The following EEPD1 variants were observed in gnomAD, a reference collection of about 807,000 sequenced individuals.
EEPD1 encodes the protein endonuclease/exonuclease/phosphatase family domain-containing protein 1.
Under a neutral mutation model 46.3 loss-of-function variants are expected in EEPD1, and 17 were observed. The observed-to-expected ratio is 0.37, with a 90% CI of 0.25 to 0.55. The LOEUF is 0.55. Ranked by LOEUF, EEPD1 falls within the 20% of genes least tolerant of loss-of-function variation. The pLI is 0.83. For missense variants in EEPD1, 673 were observed against 745.6 expected, an observed-to-expected ratio of 0.90 and a Z score of 1.13; for synonymous variants, 313 against 315.6, an observed-to-expected ratio of 0.99 and a Z score of 0.09.
At chr7:36,230,604 G>C (rs1186203657) in intron 2 of EEPD1, 2 of 152,264 alleles carry the variant, frequency 1.3e-5, no homozygotes, top group Non-Finnish European at 2.9e-5. Flanking sequence ...TGCTGTGTAG[G>C]CCTGAAGGTG....
At chr7:36,277,872 C>T (rs531479003) in intron 3 of EEPD1, among the ~76,000 whole-genome samples, 14 of 152,080 alleles carry the variant, frequency 9.2e-5, no homozygotes, top group Non-Finnish European at 1.8e-4. Flanking sequence ...AAGGACAGGG[C>T]TTCAAGCATA....
At chr7:36,174,139 G>C (rs1029945108) in intron 2 of EEPD1, among the ~76,000 whole-genome samples, 10 of 152,204 alleles carry the variant, frequency 6.6e-5, no homozygotes, top group Non-Finnish European at 1.2e-4. Flanking sequence ...CTGGGGGCTT[G>C]GGATTGCTGC....
At chr7:36,277,374 G>A (rs560286228) in intron 3 of EEPD1, among the ~76,000 whole-genome samples, 3 of 152,228 alleles carry the variant, frequency 2.0e-5, no homozygotes, top group Non-Finnish European at 2.9e-5. Context: ...TAATAAAGAC[G>A]GTGCGTGCAA....
intron 2 of EEPD1, among the ~76,000 whole-genome samples, chr7:36,182,784 C>G (rs1365875980): frequency 6.6e-6 from 1 of 152,228 alleles, no homozygotes; most frequent in Non-Finnish European, 1.5e-5. Context: ...CAGTGATGGA[C>G]ACGGGACCAA....
chr7:36,208,096 A>C (rs1432763425), intron 2 of EEPD1, among the ~76,000 whole-genome samples: 1 of 151,952 alleles, frequency 6.6e-6, no homozygotes, highest in African/African-American at 2.4e-5. Context: ...AATCCTAGTG[A>C]CCCAAATGAG....
chr7:36,267,180 G>A (rs1203814985), intron 3 of EEPD1, among the ~76,000 whole-genome samples: 1 of 152,172 alleles, frequency 6.6e-6, no homozygotes, highest in Non-Finnish European at 1.5e-5. Flanking sequence ...TGGCATTTTT[G>A]TGGCCACCCT....
At chr7:36,236,266 C>G (rs1786437318) in intron 2 of EEPD1, among the ~76,000 whole-genome samples, 1 of 152,250 alleles carries the variant, frequency 6.6e-6, no homozygotes, top group Admixed American at 6.5e-5. Flanking sequence ...GGAGCCGGCT[C>G]CCTCTGCTCG....
At chr7:36,289,902 T>A (rs576314901) in intron 6 of EEPD1, among the ~76,000 whole-genome samples, 1 of 152,372 alleles carries the variant, frequency 6.6e-6, no homozygotes, top group African/African-American at 2.4e-5. Context: ...AGCTTCCACC[T>A]TTGTCCTGTT....
chr7:36,182,555 C>G (rs1327764670), intron 2 of EEPD1, among the ~76,000 whole-genome samples: 2 of 152,190 alleles, frequency 1.3e-5, no homozygotes, highest in Admixed American at 1.3e-4. Context: ...CATAAATAGC[C>G]TGATCATTCT....
At chr7:36,248,925 C>T (rs1786685758) in intron 3 of EEPD1, among the ~76,000 whole-genome samples, 1 of 151,152 alleles carries the variant, frequency 6.6e-6, no homozygotes, top group South Asian at 2.1e-4. Flanking sequence ...TGCTCAGGGT[C>T]CACCCAGGAC....
At chr7:36,172,617 G>GTTTT (rs70977113) in intron 2 of EEPD1, among the ~76,000 whole-genome samples, 3 of 100,078 alleles carry the variant, frequency 3.0e-5, no homozygotes, top group Admixed American at 1.1e-4. Flanking sequence ...AATATTATGA[G>GTTTT]TTTTTTTTTT....
chr7:36,253,206 T>C (rs1242956153), intron 3 of EEPD1, among the ~76,000 whole-genome samples: 1 of 152,226 alleles, frequency 6.6e-6, no homozygotes, highest in Non-Finnish European at 1.5e-5. Context: ...CCTTGACCCG[T>C]TGGTTATTTA....
chr7:36,209,176 A>C (rs899496226), intron 2 of EEPD1, among the ~76,000 whole-genome samples: 1 of 152,218 alleles, frequency 6.6e-6, no homozygotes, highest in African/African-American at 2.4e-5. Flanking sequence ...GCATACCATA[A>C]GTGCTTGCTG....
chr7:36,179,845 G>A (rs1287422999), intron 2 of EEPD1, among the ~76,000 whole-genome samples: 1 of 152,156 alleles, frequency 6.6e-6, no homozygotes, highest in African/African-American at 2.4e-5. Flanking sequence ...TGAGCCCTTC[G>A]GCTCGGCCTC....
At chr7:36,242,398 G>A (rs1403409881) in intron 3 of EEPD1, among the ~76,000 whole-genome samples, 2 of 152,128 alleles carry the variant, frequency 1.3e-5, no homozygotes, top group African/African-American at 4.8e-5. Flanking sequence ...CATGTGTACA[G>A]GGGCCAGCAG....
At chr7:36,280,855 A>G (rs1787250047) in intron 3 of EEPD1, among the ~76,000 whole-genome samples, 1 of 152,220 alleles carries the variant, frequency 6.6e-6, no homozygotes, top group Admixed American at 6.5e-5. Flanking sequence ...CTACAGAGAG[A>G]ATCAATTTCT....
intron 2 of EEPD1, chr7:36,230,868 C>A (rs553745551): frequency 3.9e-5 from 6 of 152,286 alleles, no homozygotes; most frequent in African/African-American, 1.4e-4. Context: ...TGAATGGATC[C>A]ATCATATAGC....
intron 3 of EEPD1, among the ~76,000 whole-genome samples, chr7:36,275,964 A>G (rs1344743953): frequency 6.6e-6 from 1 of 152,204 alleles, no homozygotes; most frequent in Non-Finnish European, 1.5e-5. Flanking sequence ...TCAAGGGTGT[A>G]GCCAAAGTAG....
chr7:36,185,177 A>G (rs1370717377), intron 2 of EEPD1, among the ~76,000 whole-genome samples: 2 of 152,222 alleles, frequency 1.3e-5, no homozygotes, highest in Non-Finnish European at 2.9e-5. Flanking sequence ...TTTTCTGGAA[A>G]GTTTCACCAC....
Sources: gnomAD v4.1 joint callset for allele counts (sites outside exome capture counted in the v4.1 genomes callset) on GRCh38, gnomAD v4.1.1 for gene constraint, MANE v1.5 for transcripts, NCBI Gene and HGNC (gene_info 2026-07-23, HGNC 2026-07-21) for gene names.